Variants in ADGRF5 observed in about 807,000 individuals in gnomAD.
ADGRF5 encodes the protein G-protein coupled receptor 116.
Under a neutral mutation model 132.3 loss-of-function variants are expected in ADGRF5, and 75 were observed. The ratio of observed to expected loss-of-function variants is 0.57; its 90% CI spans 0.47 to 0.69. The LOEUF is 0.69. Among genes scored for constraint, ADGRF5 ranks in the 30% least tolerant of loss-of-function variants. The pLI, the probability that ADGRF5 is intolerant of heterozygous loss-of-function variation, is 0.00. For synonymous variants in ADGRF5, 629 were observed against 597.6 expected (o/e 1.05, Z -0.77); for missense variants, 1,516 against 1,630.6 (o/e 0.93, Z 1.21).
chr6:46,875,485 C>T (rs1771553473), intron 10 of ADGRF5, among the ~76,000 whole-genome samples: 1 of 152,060 alleles, frequency 6.6e-6, no homozygotes, highest in Non-Finnish European at 1.5e-5. Flanking sequence ...TAAATGTAAA[C>T]ATTGAAAACA....
At chr6:46,856,688 A>G (rs1448171928) in intron 19 of ADGRF5, 30 bp downstream of exon 19, 1 of 1,147,654 alleles carries the variant, frequency 8.7e-7, no homozygotes. Flanking sequence ...ATGTTATAAA[A>G]TGAAAAGTCT....
At chr6:46,915,292 T>TAAC (rs1776331537) in intron 1 of ADGRF5, among the ~76,000 whole-genome samples, 1 of 150,480 alleles carries the variant, frequency 6.6e-6, no homozygotes, top group Non-Finnish European at 1.5e-5. Flanking sequence ...ACTATTTTAA[T>TAAC]AATAATAATA....
At chr6:46,922,890 A>G (rs1427544057), upstream of ADGRF5, among the ~76,000 whole-genome samples, 2 of 152,138 alleles carry the variant, frequency 1.3e-5, no homozygotes, top group Non-Finnish European at 2.9e-5. Context: ...CACCAATTAT[A>G]TGTGGCCGGG....
At chr6:46,860,419 C>T (rs959934804) in intron 16 of ADGRF5, among the ~76,000 whole-genome samples, 2 of 152,174 alleles carry the variant, frequency 1.3e-5, no homozygotes, top group African/African-American at 4.8e-5. Context: ...AGAATATCAT[C>T]TTGTATATTC....
intron 13 of ADGRF5, among the ~76,000 whole-genome samples, chr6:46,866,378 T>A (rs946047021): frequency 6.6e-6 from 1 of 152,140 alleles, no homozygotes; most frequent in Admixed American, 6.5e-5. Flanking sequence ...GAGTGACCCA[T>A]TGTGTGTTTA....
intron 1 of ADGRF5, among the ~76,000 whole-genome samples, chr6:46,932,661 T>C (rs1339779311): frequency 6.6e-6 from 1 of 152,128 alleles, no homozygotes; most frequent in African/African-American, 2.4e-5. Flanking sequence ...AGACCTACAA[T>C]AGAAGGGTGA....
chr6:46,948,867 C>T (rs191336086), intron 1 of ADGRF5, among the ~76,000 whole-genome samples: 18 of 152,200 alleles, frequency 1.2e-4, no homozygotes, highest in Non-Finnish European at 1.9e-4. Context: ...TTACTCTAGG[C>T]GGGGTTAACA....
chr6:46,855,079 T>G (rs1329386917), intron 20 of ADGRF5, among the ~76,000 whole-genome samples: 1 of 152,226 alleles, frequency 6.6e-6, no homozygotes, highest in Admixed American at 6.5e-5. Context: ...GAAGGGATGA[T>G]GGCATGGGGA....
intron 1 of ADGRF5, among the ~76,000 whole-genome samples, chr6:46,941,649 G>GTT (rs35605004): frequency 1.4e-5 from 2 of 142,678 alleles, no homozygotes; most frequent in Admixed American, 7.0e-5. Flanking sequence ...ATAGAGCATG[G>GTT]TTTTTTTTTT....
intron 3 of ADGRF5, among the ~76,000 whole-genome samples, chr6:46,898,589 C>A (rs938385674): frequency 6.6e-6 from 1 of 152,130 alleles, no homozygotes; most frequent in African/African-American, 2.4e-5. Flanking sequence ...GGAAAACCAA[C>A]AGTGGTATGA....
intron 10 of ADGRF5, among the ~76,000 whole-genome samples, chr6:46,877,041 T>C (rs1440882696): frequency 2.0e-5 from 3 of 152,262 alleles, no homozygotes; most frequent in Non-Finnish European, 4.4e-5. Flanking sequence ...AAGCGCATTA[T>C]ACTGTTGTTT....
At chr6:46,906,815 T>C in intron 1 of ADGRF5, 29 bp from the exon 2 acceptor site, 3 of 897,582 alleles carry the variant, frequency 3.3e-6, no homozygotes, top group Non-Finnish European at 1.9e-6. Flanking sequence ...GGTTTAGATA[T>C]ACAGCAATTT....
intron 1 of ADGRF5, among the ~76,000 whole-genome samples, chr6:46,937,267 G>A (rs1429163106): frequency 7.6e-6 from 1 of 131,832 alleles, no homozygotes; most frequent in Non-Finnish European, 1.6e-5. Flanking sequence ...TGTGTGTGTT[G>A]ATGGGGTGGC....
intron 1 of ADGRF5, among the ~76,000 whole-genome samples, chr6:46,941,426 G>T (rs1445787502): frequency 2.3e-5 from 1 of 43,180 alleles, no homozygotes; most frequent in Non-Finnish European, 5.5e-5. Flanking sequence ...GAAAAGAAAA[G>T]AAAAGAAAAG....
In ADGRF5 at chr6:46,900,118, G is replaced by A. The variant is rs375541164; in HGVS notation, c.103-35C>T. 3.5e-5 allele frequency: 52 copies of A among 1,505,940 alleles called. No individual in the cohort carries two copies. The African/African-American group carries it at 4.3e-4, about 12-fold the overall frequency. 93.3% of individuals were successfully genotyped at this position (1,505,940 alleles called of 1,614,324 possible). On this transcript the variant is annotated intron_variant, in intron 2 of 20. Transcript: ENST00000283296. ...ACATTTGAGAAAGTTGTCAATTAACGTTAGAGAAGTCTTTTCACTGTGGCT... is the reference window on the plus strand; with the variant it reads ...ACATTTGAGAAAGTTGTCAATTAACATTAGAGAAGTCTTTTCACTGTGGCT...
At chr6:46,922,581 C>T (rs563289136), upstream of ADGRF5, among the ~76,000 whole-genome samples, 13 of 152,276 alleles carry the variant, frequency 8.5e-5, no homozygotes, top group African/African-American at 2.9e-4. Flanking sequence ...GAATTATAGT[C>T]AGCTCATTTT....
chr6:46,890,189 C>T (rs907769239), intron 3 of ADGRF5, among the ~76,000 whole-genome samples: 5 of 151,934 alleles, frequency 3.3e-5, no homozygotes, highest in Admixed American at 3.3e-4. Flanking sequence ...ACCTCCTGGG[C>T]CCAAGTGATT....
chr6:46,885,489 G>A (rs1036665683), intron 4 of ADGRF5, among the ~76,000 whole-genome samples: 4 of 152,064 alleles, frequency 2.6e-5, no homozygotes, highest in East Asian at 1.9e-4. Context: ...TTTACATCCC[G>A]CACTCGCAGA....
At chr6:46,859,591 A>T (rs1188770191) in intron 16 of ADGRF5, 68 bp from the exon 17 acceptor site, 7 of 956,916 alleles carry the variant, frequency 7.3e-6, no homozygotes, top group Non-Finnish European at 1.1e-5. Flanking sequence ...AAAAAACAAC[A>T]TCTTCCTAGA....
Sources: gnomAD v4.1 joint callset for allele counts (sites outside exome capture counted in the v4.1 genomes callset) on GRCh38, gnomAD v4.1.1 for gene constraint, MANE v1.5 for transcripts, NCBI Gene and HGNC (gene_info 2026-07-23, HGNC 2026-07-21) for gene names.